Variants in GPX4 observed in about 807,000 individuals in gnomAD.
The protein encoded by GPX4 is glutathione peroxidase 4.
GPX4 carries 28 observed loss-of-function variants against 27.8 expected under a neutral mutation model. That is an observed-to-expected ratio of 1.01 (90% CI 0.75 to 1.38). The LOEUF is 1.38. Ranked by LOEUF, GPX4 falls within the 40% of genes most tolerant of loss-of-function variation. GPX4 has a pLI of 0.00. For synonymous variants in GPX4, 163 were observed against 107.8 expected, an observed-to-expected ratio of 1.51 and a Z score of -3.17; for missense variants, 357 against 274.1, an observed-to-expected ratio of 1.30 and a Z score of -2.14.
At position 1,105,202 on chromosome 19, in the gene GPX4, ACTGGCGCTGTGCGCG is replaced by A. The variant is rs1389963291; in HGVS notation, c.104_118del (p.Trp35_Arg39del). The A allele has an allele frequency of 1.9e-6, 3 of 1,612,978 alleles. No homozygotes were observed. The highest frequency in any genetic ancestry group is 2.5e-6 in the Non-Finnish European group (3 of 1,179,884). On this transcript the variant is annotated inframe_deletion, in exon 2 of 7. Transcript: ENST00000354171. ...GCCTTGCAGTGCGCGTCCCGGGACG[ACTGGCGCTGTGCGCG>A]CTCCATGCACGAGTTTTCCGCCAAG...
chr19:1,104,034 C>T lies in GPX4; in HGVS notation c.-10C>T, dbSNP rs970697715. ...GAGGGGAGGAGCCGCTGGCTCCCAG[C>T]CCCGCCGCGATGAGCCTCGGCCGCC... On this transcript the variant is annotated 5_prime_UTR_variant, in exon 1 of 7. Transcript: ENST00000354171. 7 of 1,518,168 alleles carry T rather than the reference C, an allele frequency of 4.6e-6. No individual in the cohort carries two copies. In the African/African-American group the frequency reaches 5.7e-5, roughly 12 times the overall value. The allele number at this position is 1,518,168 out of a possible 1,614,324, so 94.0% of individuals were successfully genotyped here.
In GPX4 at chr19:1,106,439, G is replaced by A. The variant is rs201633492; in HGVS notation, c.541G>A (p.Gly181Arg). ...GAACGGCTGCGTGGTGAAGCGCTACGGACCCATGGAGGAGCCCCTGGTAGG... is the reference window on the plus strand; with the variant it reads ...GAACGGCTGCGTGGTGAAGCGCTACAGACCCATGGAGGAGCCCCTGGTAGG... The part of the protein sequence containing the change: ...DKNGCVVKRY[G>R]PMEEPLVIEK... Residue 181 changes from glycine to arginine, a missense_variant, in exon 6 of 7, where the codon GGA becomes AGA. Transcript: ENST00000354171. 284 of 1,613,444 alleles carry A rather than the reference G, an allele frequency of 1.8e-4. No individual in the cohort carries two copies. The highest frequency in any genetic ancestry group is 8.2e-4 in the Middle Eastern group (5 of 6,062).
rs574375652 is a variant in GPX4, at chr19:1,104,936, G to C, written c.85-250G>C. The C allele has an allele frequency of 1.4e-4, 211 of 1,458,678 alleles. 2 individuals carry two copies. In the South Asian group the frequency reaches 2.8e-3, roughly 19 times the overall value. The allele number at this position is 1,458,678 out of a possible 1,614,324, so 90.4% of individuals were successfully genotyped here. ...TCCCAAGTCCCAGGACCCGGTGCGCGCGGGGCCCCCACACCGGCTAATGTG... is the reference window on the plus strand; with the variant it reads ...TCCCAAGTCCCAGGACCCGGTGCGCCCGGGGCCCCCACACCGGCTAATGTG... On this transcript the variant is annotated intron_variant, in intron 1 of 6. Transcript: ENST00000354171.
chr19:1,105,700 TACA>T lies in GPX4; in HGVS notation c.370_372del (p.Asn124del), dbSNP rs1226766550. The T allele has an allele frequency of 4.3e-6, 7 of 1,612,174 alleles. No individual in the cohort carries two copies. Among genetic ancestry groups the T allele is most frequent in the Non-Finnish European group, 5.9e-6 (7 of 1,179,360 alleles). ...AGAGATCAAAGAGTTCGCCGCGGGC[TACA>T]ACGTCAAATTCGATATGTTCAGCAA... On this transcript the variant is annotated inframe_deletion, in exon 4 of 7. Coordinates refer to ENST00000354171, the MANE Select transcript of GPX4 (RefSeq NM_002085.5).
At position 1,104,547 on chromosome 19, in the gene GPX4, C is replaced by G. The variant is rs1300127967; in HGVS notation, c.84+420C>G. 49 of 811,250 alleles carry G rather than the reference C, an allele frequency of 6.0e-5. No homozygotes were observed. In the Admixed American group the frequency reaches 2.4e-3, roughly 40 times the overall value. The allele number at this position is 811,250 out of a possible 1,614,324, so 50.3% of individuals were successfully genotyped here. A position where few individuals can be genotyped will look rare whatever the true frequency, so the allele number is the denominator to read the frequency against. On this transcript the variant is annotated intron_variant, in intron 1 of 6. Coordinates refer to ENST00000354171, the MANE Select transcript of GPX4 (RefSeq NM_002085.5). Reference sequence around the variant, plus strand: ...CCGGGCCGAGCGGGGCTGCTGCGCCCGAGCGGTTGGGGGCGCGGAGGGCTG... The same window carrying G: ...CCGGGCCGAGCGGGGCTGCTGCGCCGGAGCGGTTGGGGGCGCGGAGGGCTG...
intron 3 of GPX4, 47 bp downstream of exon 3, chr19:1,105,557 T>C: frequency 7.9e-7 from 1 of 1,268,058 alleles, no homozygotes; most frequent in Non-Finnish European, 1.1e-6. Context: ...TGGGTGGGGG[T>C]CGGGGTGGGC....
At chr19:1,105,876 C>A in intron 4 of GPX4, 67 bp downstream of exon 4, 1 of 1,454,662 alleles carries the variant, frequency 6.9e-7, no homozygotes. Flanking sequence ...GATGCTCACA[C>A]CTCCCTGGGG....
intron 1 of GPX4, 99 bp from the exon 2 acceptor site, chr19:1,105,087 G>A: frequency 2.0e-6 from 3 of 1,509,558 alleles, no homozygotes; most frequent in East Asian, 2.4e-5. Flanking sequence ...CAGGGCCTCG[G>A]TGTCCCCGCC....
At chr19:1,104,352 G>A (rs897778220) in intron 1 of GPX4, 10 of 483,866 alleles carry the variant, frequency 2.1e-5, no homozygotes, top group Non-Finnish European at 3.5e-5. Flanking sequence ...CTGGGGTCGG[G>A]GAAGGGGAAG....
intron 4 of GPX4, 134 bp from the exon 5 acceptor site, chr19:1,106,107 TG>T (rs1010053294): frequency 8.6e-6 from 4 of 467,654 alleles, no homozygotes; most frequent in African/African-American, 1.1e-4. Flanking sequence ...AAGATGGCTC[TG>T]GGGGGGCTTG....
rs375523715 is a variant in GPX4, at chr19:1,105,747, C to T, written c.414C>T (p.Asp138=). ...TCAGCAAGATCTGCGTGAACGGGGA[C>T]GACGCCCACCCGCTGTGGAAGTGGA... ...DMFSKICVNG[D]DAHPLWKWMK... is the part of the protein sequence containing the mutation. The change falls in exon 4 of 7, where the codon GAC becomes GAT. Residue 138 remains aspartate (D), a synonymous_variant. Coordinates refer to ENST00000354171, the MANE Select transcript of GPX4 (RefSeq NM_002085.5). 1.3e-6 allele frequency: 2 copies of T among 1,599,210 alleles called. No individual in the cohort carries two copies. The highest frequency in any genetic ancestry group is 1.3e-5 in the African/African-American group (1 of 74,642).
intron 4 of GPX4, 157 bp from the exon 5 acceptor site, chr19:1,106,085 G>A (rs1222466050): frequency 8.9e-6 from 6 of 674,112 alleles, no homozygotes; most frequent in Non-Finnish European, 1.4e-5. Flanking sequence ...ACACTGCATG[G>A]CCTCCTGGGG....
intron 4 of GPX4, 93 bp downstream of exon 4, chr19:1,105,902 C>A: frequency 7.1e-7 from 1 of 1,416,058 alleles, no homozygotes; most frequent in Non-Finnish European, 9.5e-7. Context: ...TGGCTCATGG[C>A]TCGGGGGGCG....
At position 1,104,934 on chromosome 19, in the gene GPX4, G is replaced by T. The variant is rs537458901; in HGVS notation, c.85-252G>T. 6 of 1,456,918 alleles carry T rather than the reference G, an allele frequency of 4.1e-6. No homozygotes were observed. The African/African-American group carries it at 4.3e-5, about 10-fold the overall frequency. The allele number at this position is 1,456,918 out of a possible 1,614,324, so 90.2% of individuals were successfully genotyped here. A position where few individuals can be genotyped will look rare whatever the true frequency, so the allele number is the denominator to read the frequency against. Reference sequence around the variant, plus strand: ...TGTCCCAAGTCCCAGGACCCGGTGCGCGCGGGGCCCCCACACCGGCTAATG... The same window carrying T: ...TGTCCCAAGTCCCAGGACCCGGTGCTCGCGGGGCCCCCACACCGGCTAATG... On this transcript the variant is annotated intron_variant, in intron 1 of 6. Coordinates refer to ENST00000354171, the MANE Select transcript of GPX4 (RefSeq NM_002085.5).
intron 3 of GPX4, 60 bp from the exon 4 acceptor site, chr19:1,105,598 G>C: frequency 1.3e-6 from 2 of 1,599,778 alleles, no homozygotes; most frequent in South Asian, 2.2e-5. Flanking sequence ...GGAGTGTGCA[G>C]GGGGCCCGGA....
At chr19:1,105,833 C>T (rs1039747907) in intron 4 of GPX4, 24 bp downstream of exon 4, 42 of 429,288 alleles carry the variant, frequency 9.8e-5, no homozygotes, top group East Asian at 4.8e-4. Context: ...GGGGACAGTA[C>T]GGCTGCTGGG....
chr19:1,106,176 G>T, intron 4 of GPX4, 66 bp from the exon 5 acceptor site: 1 of 1,476,064 alleles, frequency 6.8e-7, no homozygotes, highest in South Asian at 1.2e-5. Flanking sequence ...GCCTCCTGGA[G>T]ACAGGACAGC....
In GPX4 at chr19:1,106,388, G is replaced by A. The variant is rs374681817; in HGVS notation, c.502-12G>A. ...GGGGTGGCCCCACAGTTTGGACACC[G>A]TCTCTCCACAGTTCCTCATCGACAA... On this transcript the variant is annotated splice_polypyrimidine_tract_variant and intron_variant, in intron 5 of 6. Coordinates refer to ENST00000354171, the MANE Select transcript of GPX4 (RefSeq NM_002085.5). 1.2e-4 allele frequency: 197 copies of A among 1,613,478 alleles called. No homozygotes were observed. Among genetic ancestry groups the A allele is most frequent in the South Asian group, 1.1e-3 (96 of 91,084 alleles).
At chr19:1,106,045 G>C (rs13343462) in intron 4 of GPX4, 197 bp from the exon 5 acceptor site, 34 of 688,888 alleles carry the variant, frequency 4.9e-5, no homozygotes, top group African/African-American at 9.1e-5. Context: ...AGGATGGCTC[G>C]GGGGCCTGTG....
Sources: allele counts gnomAD v4.1 joint callset, GRCh38; gene constraint gnomAD v4.1.1; transcripts MANE v1.5; gene names NCBI Gene and HGNC (gene_info 2026-07-23, HGNC 2026-07-21).